PTGER3: variants seen among roughly 807,000 people sequenced by gnomAD.
PTGER3 encodes prostaglandin E receptor 3, also known as prostaglandin E2 receptor EP3 subtype.
PTGER3 carries 22 observed loss-of-function variants against 34.7 expected under a neutral mutation model. The ratio of observed to expected loss-of-function variants is 0.63; its 90% CI spans 0.45 to 0.91. The LOEUF (loss-of-function observed/expected upper bound fraction) is 0.91, where lower values mean the gene tolerates loss of function less well. Among genes scored for constraint, PTGER3 ranks in the 40% least tolerant of loss-of-function variants. PTGER3 has a pLI of 0.00. For synonymous variants in PTGER3, 241 were observed against 230.1 expected (o/e 1.05, Z -0.43); for missense variants, 468 against 519.4 (o/e 0.90, Z 0.96).
At chr1:71,036,644 T>C (rs1034679607) in intron 1 of PTGER3, among the ~76,000 whole-genome samples, 80 of 152,106 alleles carry the variant, frequency 5.3e-4, no homozygotes, top group Admixed American at 1.9e-3. Context: ...ATCGAGACCA[T>C]CCTGGCTAAC....
rs560581934 is a variant in PTGER3 at position 70,929,826 on chromosome 1, G to A, written c.*23+23937C>T. Among the ~76,000 whole-genome samples, 14 of 152,234 alleles carry A rather than the reference G, an allele frequency of 9.2e-5. No individual in the cohort carries two copies. In the South Asian group the frequency reaches 2.1e-3, roughly 23 times the overall value. The stretch of plus-strand genomic sequence containing the variant: ...AGTGAGAGAGATAAATGAGTTAAAC[G>A]GAAATGAAATATGGACAAATATTCT... On this transcript the variant is annotated intron_variant, in intron 4 of 4. Coordinates refer to the PTGER3 transcript ENST00000370931.
At chr1:70,929,304 C>T (rs1302235652) in intron 4 of PTGER3, among the ~76,000 whole-genome samples, 1 of 152,188 alleles carries the variant, frequency 6.6e-6, no homozygotes, top group Non-Finnish European at 1.5e-5. Context: ...TCAGCAGTAA[C>T]ATCTTGGTTA....
At chr1:70,942,026 T>C (rs1444253790) in intron 4 of PTGER3, among the ~76,000 whole-genome samples, 3 of 152,252 alleles carry the variant, frequency 2.0e-5, no homozygotes, top group South Asian at 2.1e-4. Flanking sequence ...TTCATAATAA[T>C]AGAATTACAG....
At chr1:70,951,563 TAGA>T (rs1480044938), downstream of PTGER3, 2 of 152,070 alleles carry the variant, frequency 1.3e-5, no homozygotes, top group South Asian at 2.1e-4. Flanking sequence ...ATATACGGAG[TAGA>T]AGAAGGAGAT....
At chr1:71,010,043 A>T (rs1040429086) in intron 2 of PTGER3, 8 of 981,642 alleles carry the variant, frequency 8.1e-6, no homozygotes, top group Admixed American at 6.2e-5. Flanking sequence ...CAAGCTTGTT[A>T]AAAAAAACAC....
At chr1:70,862,406 T>G in intron 4 of PTGER3, 1 of 1,350,946 alleles carries the variant, frequency 7.4e-7, no homozygotes, top group African/African-American at 1.5e-5. Flanking sequence ...TCCTATTATG[T>G]GATAGGCAAT....
At position 71,046,761 on chromosome 1, in the gene PTGER3, A is replaced by C; in HGVS notation, c.817T>G (p.Trp273Gly). 6.2e-7 allele frequency: 1 copy of C among 1,613,686 alleles called. No homozygotes were observed. The highest frequency in any genetic ancestry group is 8.5e-7 in the Non-Finnish European group (1 of 1,179,918). Residue 273 changes from tryptophan (W) to glycine (G), a missense_variant, in exon 1 of 4, where the codon TGG becomes GGG. Physicochemically the swap from Trp to Gly is radical, Grantham distance 184 (BLOSUM62 -2). Transcript: ENST00000306666. ...GCCGTCTCGGTCGTGATGCGGCCCC[A>C]CTGGGCACTGGACTGAGATGCCGTG... ...KATASQSSAQ[W>G]GRITTETAIQ...
intron 4 of PTGER3, among the ~76,000 whole-genome samples, chr1:70,905,037 A>T (rs1646916176): frequency 6.6e-6 from 1 of 152,108 alleles, no homozygotes; most frequent in South Asian, 2.1e-4. Context: ...CAGCTGCTCC[A>T]GTTGTGGCTT....
At chr1:71,028,789 T>G (rs900750085) in intron 1 of PTGER3, among the ~76,000 whole-genome samples, 1 of 152,216 alleles carries the variant, frequency 6.6e-6, no homozygotes, top group African/African-American at 2.4e-5. Flanking sequence ...CCTAAAGGTA[T>G]GTTTAAATCT....
chr1:70,902,432 C>A (rs762258045), intron 4 of PTGER3, among the ~76,000 whole-genome samples: 5 of 152,168 alleles, frequency 3.3e-5, no homozygotes, highest in Non-Finnish European at 5.9e-5. Flanking sequence ...GAATGAGTCA[C>A]TATCTGTATC....
At chr1:70,941,208 A>G (rs1454097458) in intron 4 of PTGER3, among the ~76,000 whole-genome samples, 1 of 152,198 alleles carries the variant, frequency 6.6e-6, no homozygotes, top group East Asian at 1.9e-4. Context: ...TTTCTGTTTT[A>G]TGAATATCTT....
At chr1:71,013,705 A>AC in intron 1 of PTGER3, among the ~76,000 whole-genome samples, 1 of 150,210 alleles carries the variant, frequency 6.7e-6, no homozygotes, top group Non-Finnish European at 1.5e-5. Flanking sequence ...TCTGTCTCAA[A>AC]AAAAAAAAAA....
chr1:70,903,820 T>C (rs1195532844), intron 4 of PTGER3, among the ~76,000 whole-genome samples: 1 of 152,236 alleles, frequency 6.6e-6, no homozygotes, highest in Non-Finnish European at 1.5e-5. Flanking sequence ...TTCAGCTACT[T>C]ACTCTTGTAA....
intron 4 of PTGER3, among the ~76,000 whole-genome samples, chr1:70,920,644 T>C (rs975176716): frequency 6.6e-6 from 1 of 152,246 alleles, no homozygotes; most frequent in Admixed American, 6.5e-5. Context: ...AAGCTGGAGA[T>C]TGAGATTATT....
intron 1 of PTGER3, among the ~76,000 whole-genome samples, chr1:71,029,926 A>AAATAAT (rs3044586): frequency 0.063 from 9,045 of 143,994 alleles, 338 homozygotes; most frequent in East Asian, 0.17. Flanking sequence ...ACTCCATCTC[A>AAATAAT]AATAATAATA....
At chr1:70,895,058 T>G (rs1646696513) in intron 4 of PTGER3, among the ~76,000 whole-genome samples, 1 of 152,356 alleles carries the variant, frequency 6.6e-6, no homozygotes, top group East Asian at 1.9e-4. Flanking sequence ...ACCAAATGAC[T>G]CTCAATTGAT....
At chr1:70,936,301 G>C (rs1338375952) in intron 4 of PTGER3, among the ~76,000 whole-genome samples, 2 of 152,214 alleles carry the variant, frequency 1.3e-5, no homozygotes, top group African/African-American at 4.8e-5. Context: ...GAGGTAGAAA[G>C]TGCACTTTCC....
intron 4 of PTGER3, among the ~76,000 whole-genome samples, chr1:70,891,444 C>CCTAG (rs1646615383): frequency 6.6e-6 from 1 of 152,186 alleles, no homozygotes; most frequent in South Asian, 2.1e-4. Flanking sequence ...GCTCAACACT[C>CCTAG]CTAGCACTGC....
intron 2 of PTGER3, among the ~76,000 whole-genome samples, chr1:71,002,757 TTAAAA>T (rs1656605267): frequency 6.6e-6 from 1 of 152,212 alleles, no homozygotes; most frequent in African/African-American, 2.4e-5. Flanking sequence ...CCGTTAATTC[TTAAAA>T]TAAAAGGGTT....
Sources: gnomAD v4.1 joint callset for allele counts (sites outside exome capture counted in the v4.1 genomes callset) on GRCh38, gnomAD v4.1.1 for gene constraint, MANE v1.5 for transcripts, NCBI Gene and HGNC (gene_info 2026-07-23, HGNC 2026-07-21) for gene names.